Variants in ADAMTSL1 observed in about 807,000 individuals in gnomAD.
ADAMTSL1 encodes ADAMTS-like protein 1.
Under a neutral mutation model 201.8 loss-of-function variants are expected in ADAMTSL1, and 126 were observed. The observed-to-expected ratio is 0.62, with a 90% CI of 0.54 to 0.72. ADAMTSL1 has a LOEUF of 0.72. ADAMTSL1 is among the 30% of genes least tolerant of loss of function. The probability of loss-of-function intolerance (pLI) is 0.00; values close to 1 mark genes in which losing one functional copy is unlikely to be tolerated. For synonymous variants in ADAMTSL1, 1,121 were observed against 903.4 expected, an observed-to-expected ratio of 1.24 and a Z score of -4.32; for missense variants, 2,679 against 2,277.8, an observed-to-expected ratio of 1.18 and a Z score of -3.59.
At chr9:18,835,408 TCAG>T (rs1825252543) in intron 23 of ADAMTSL1, among the ~76,000 whole-genome samples, 1 of 152,170 alleles carries the variant, frequency 6.6e-6, no homozygotes, top group East Asian at 1.9e-4. Context: ...TTTGTCCCAG[TCAG>T]CAGCTATATT....
At chr9:17,934,868 T>A (rs1044735093) in intron 1 of ADAMTSL1, among the ~76,000 whole-genome samples, 12 of 148,256 alleles carry the variant, frequency 8.1e-5, no homozygotes, top group African/African-American at 2.8e-4. Context: ...ATTCTTCTAG[T>A]AATTCTTCCC....
chr9:17,906,866 G>A (rs942401038), exon 1 of ADAMTSL1: 2 of 152,276 alleles, frequency 1.3e-5, no homozygotes, highest in African/African-American at 4.8e-5. Context: ...CCAGTGCCCC[G>A]GGTTCCTGGC....
Position 18,574,214 on chromosome 9 carries a change from G to C in ADAMTSL1, c.422G>C (p.Gly141Ala). Residue 141 changes from glycine to alanine, a missense_variant, in exon 4 of 29, where the codon GGT (glycine) becomes GCT (alanine). By Grantham distance (60) the Gly-to-Ala change is moderately conservative. Transcript: ENST00000380548. ...VVELAPKVLD[G>A]TRCYTESLDM... is the part of the protein sequence containing the mutation. ...GAACTAGCACCTAAGGTCTTAGATG[G>C]TACGCGTTGCTATACAGAATCTTTG... 1 of 1,614,152 alleles carries C rather than the reference G, an allele frequency of 6.2e-7. No homozygotes were observed.
chr9:18,578,809 C>G (rs10963647), intron 4 of ADAMTSL1, among the ~76,000 whole-genome samples: 35,765 of 150,458 alleles, frequency 0.24, 4,769 homozygotes, highest in East Asian at 0.64. Context: ...GCCACACTGA[C>G]TTCCACAATG....
chr9:18,080,109 CA>C (rs1176484134), intron 1 of ADAMTSL1, among the ~76,000 whole-genome samples: 1 of 152,048 alleles, frequency 6.6e-6, no homozygotes, highest in Non-Finnish European at 1.5e-5. Flanking sequence ...AATGGGAGGT[CA>C]AGGAGTGAGA....
At chr9:18,577,306 C>T (rs1822798012) in intron 4 of ADAMTSL1, among the ~76,000 whole-genome samples, 1 of 152,006 alleles carries the variant, frequency 6.6e-6, no homozygotes, top group South Asian at 2.1e-4. Context: ...GCCAACACGG[C>T]GAAACCCTGT....
chr9:18,528,957 G>A (rs549458414), intron 2 of ADAMTSL1, among the ~76,000 whole-genome samples: 1 of 151,952 alleles, frequency 6.6e-6, no homozygotes, highest in African/African-American at 2.4e-5. Flanking sequence ...TCACTCAGCT[G>A]TTTTATATTA....
intron 21 of ADAMTSL1, among the ~76,000 whole-genome samples, chr9:18,825,128 C>A (rs1366884969): frequency 1.3e-5 from 2 of 152,210 alleles, no homozygotes; most frequent in Middle Eastern, 3.4e-3. Flanking sequence ...TGAATCCGTG[C>A]CACATATCTT....
chr9:18,275,296 G>C (rs1413738629), intron 2 of ADAMTSL1, among the ~76,000 whole-genome samples: 1 of 152,110 alleles, frequency 6.6e-6, no homozygotes, highest in African/African-American at 2.4e-5. Flanking sequence ...AATAAAAACT[G>C]TTCTTCACAG....
intron 7 of ADAMTSL1, among the ~76,000 whole-genome samples, chr9:18,647,598 G>A (rs1262985729): frequency 9.9e-5 from 15 of 151,274 alleles, no homozygotes; most frequent in South Asian, 6.3e-4. Flanking sequence ...CTTTGTTCTC[G>A]TTGGTTTCAA....
intron 2 of ADAMTSL1, among the ~76,000 whole-genome samples, chr9:18,426,072 A>G (rs1045423629): frequency 5.9e-5 from 9 of 152,276 alleles, no homozygotes; most frequent in African/African-American, 2.2e-4. Context: ...GTGTGGCTGT[A>G]GTAATCCTAA....
chr9:18,709,691 C>T (rs575362971), intron 14 of ADAMTSL1, among the ~76,000 whole-genome samples: 34 of 152,242 alleles, frequency 2.2e-4, no homozygotes, highest in African/African-American at 7.9e-4. Context: ...ATCCTGTGTC[C>T]AACTGTCACT....
intron 2 of ADAMTSL1, among the ~76,000 whole-genome samples, chr9:18,327,798 C>A (rs939388867): frequency 6.6e-6 from 1 of 152,100 alleles, no homozygotes; most frequent in Non-Finnish European, 1.5e-5. Context: ...AAAATAAATC[C>A]AATTAGGAAA....
chr9:18,035,968 C>T (rs536760037), intron 1 of ADAMTSL1, among the ~76,000 whole-genome samples: 1 of 152,142 alleles, frequency 6.6e-6, no homozygotes, highest in Non-Finnish European at 1.5e-5. Context: ...TACCCCCTAT[C>T]TTGCTATCTA....
chr9:18,190,644 C>A (rs529727464), intron 2 of ADAMTSL1, among the ~76,000 whole-genome samples: 1 of 152,300 alleles, frequency 6.6e-6, no homozygotes, highest in South Asian at 2.1e-4. Context: ...TTAAATAAAT[C>A]CTGCTGAAGA....
intron 2 of ADAMTSL1, among the ~76,000 whole-genome samples, chr9:18,323,674 A>G (rs1397644146): frequency 6.6e-6 from 1 of 152,184 alleles, no homozygotes; most frequent in African/African-American, 2.4e-5. Flanking sequence ...TACAAAAATC[A>G]GTTGTATTTC....
intron 2 of ADAMTSL1, among the ~76,000 whole-genome samples, chr9:18,317,818 CT>C (rs1834464142): frequency 6.6e-6 from 1 of 152,190 alleles, no homozygotes; most frequent in South Asian, 2.1e-4. Flanking sequence ...ACAGTTTCCC[CT>C]GTTAGAAAGT....
chr9:18,703,913 T>G (rs893625002), intron 13 of ADAMTSL1, among the ~76,000 whole-genome samples: 5 of 151,734 alleles, frequency 3.3e-5, no homozygotes, highest in African/African-American at 1.2e-4. Flanking sequence ...GTCTAGTTTG[T>G]GCATCATTTA....
intron 2 of ADAMTSL1, among the ~76,000 whole-genome samples, chr9:18,415,673 A>G (rs1038028046): frequency 3.9e-5 from 6 of 152,048 alleles, no homozygotes; most frequent in Non-Finnish European, 8.8e-5. Flanking sequence ...TAAAAAGAAA[A>G]AAAAAATCTA....
Sources: allele counts gnomAD v4.1 joint callset (sites outside exome capture counted in the v4.1 genomes callset), GRCh38; gene constraint gnomAD v4.1.1; transcripts MANE v1.5; gene names NCBI Gene and HGNC (gene_info 2026-07-23, HGNC 2026-07-21).